Variants in MORC3 observed in about 807,000 individuals in gnomAD.
MORC3 encodes the protein MORC family CW-type zinc finger protein 3.
A neutral mutation model predicts 109.1 loss-of-function variants in MORC3; 31 were observed. The observed-to-expected ratio is 0.28, with a 90% CI of 0.21 to 0.38. The LOEUF (loss-of-function observed/expected upper bound fraction) is 0.38. MORC3 is among the 10% of genes least tolerant of loss of function. MORC3 has a pLI of 1.00. For synonymous variants in MORC3, 395 were observed against 380.7 expected, an observed-to-expected ratio of 1.04 and a Z score of -0.44; for missense variants, 867 against 1,135.8, an observed-to-expected ratio of 0.76 and a Z score of 3.40.
intron 1 of MORC3, among the ~76,000 whole-genome samples, chr21:36,323,945 G>T (rs954979583): frequency 2.6e-5 from 4 of 151,462 alleles, no homozygotes; most frequent in East Asian, 1.9e-4. Flanking sequence ...GCGTGATCTC[G>T]GCTCACCGCA....
chr21:36,376,626 T>C lies in MORC3; in HGVS notation c.*1330T>C, dbSNP rs1230009953. 6.6e-6 allele frequency: 1 copy of C among 152,206 alleles called. No homozygotes were observed. The highest frequency in any genetic ancestry group is 1.5e-5 in the Non-Finnish European group (1 of 68,032). 9.4% of individuals were successfully genotyped at this position (152,206 alleles called of 1,614,324 possible). On this transcript the variant is annotated 3_prime_UTR_variant, in exon 17 of 17. Transcript: ENST00000400485. The stretch of plus-strand genomic sequence containing the variant: ...CTTATAATAAAATAAAAATATATGA[T>C]GGCTAACTGTTCAAATGCTACTTTT...
At position 36,338,713 on chromosome 21, in the gene MORC3, G is replaced by T. The variant is rs1383062501; in HGVS notation, c.461-61G>T. 6.2e-6 allele frequency: 9 copies of T among 1,450,446 alleles called. No individual in the cohort carries two copies. In the East Asian group the frequency reaches 2.1e-4, roughly 34 times the overall value. 89.8% of individuals were successfully genotyped at this position (1,450,446 alleles called of 1,614,324 possible). ...TCTGTTATTTAAGTTTATAGAGTTA[G>T]TTTTCATATTGTAATTATGAAAACT... is the stretch of plus-strand genomic sequence containing the variant. On this transcript the variant is annotated intron_variant, in intron 4 of 16. Transcript: ENST00000400485.
intron 9 of MORC3, among the ~76,000 whole-genome samples, chr21:36,354,895 A>G (rs959872300): frequency 1.3e-5 from 2 of 152,146 alleles, no homozygotes; most frequent in African/African-American, 4.8e-5. Flanking sequence ...AATTCCTGCA[A>G]CATCCATATC....
At chr21:36,350,283 G>A (rs1312874030) in intron 9 of MORC3, among the ~76,000 whole-genome samples, 1 of 152,024 alleles carries the variant, frequency 6.6e-6, no homozygotes, top group Non-Finnish European at 1.5e-5. Context: ...ACTCCAACCC[G>A]ATGACAGAGT....
Position 36,320,269 on chromosome 21 carries a change from C to A in MORC3, c.5C>A (p.Ala2Glu), listed in dbSNP as rs1359022713. 1 of 1,572,760 alleles carries A rather than the reference C, an allele frequency of 6.4e-7. No homozygotes were observed. Among genetic ancestry groups the A allele is most frequent in the Admixed American group, 1.8e-5 (1 of 54,404 alleles). Residue 2 changes from alanine to glutamate, a missense_variant, in exon 1 of 17, where the codon GCG (alanine) becomes GAG (glutamate). By Grantham distance (107) the Ala-to-Glu change is moderately radical (BLOSUM62 -1). Coordinates refer to ENST00000400485, the MANE Select transcript of MORC3 (RefSeq NM_015358.3). Reference protein sequence around the residue: MAAQPPRGIRLS... With the variant: MEAQPPRGIRLS... ...TGGCTTTGTAGCTCGCTCAAGATGG[C>A]GGCGCAGCCACCCCGCGGGATACGC...
intron 9 of MORC3, among the ~76,000 whole-genome samples, chr21:36,354,173 C>T (rs1268953860): frequency 6.6e-6 from 1 of 151,912 alleles, no homozygotes; most frequent in East Asian, 1.9e-4. Context: ...TCGTAGTCTT[C>T]GTGTTGAGTA....
chr21:36,363,620 A>G (rs1197408312), intron 13 of MORC3, among the ~76,000 whole-genome samples: 1 of 152,220 alleles, frequency 6.6e-6, no homozygotes, highest in Non-Finnish European at 1.5e-5. Context: ...TGAAAAACAA[A>G]ACAAAAATGA....
At chr21:36,331,589 G>A (rs1325160301) in intron 1 of MORC3, among the ~76,000 whole-genome samples, 4 of 147,002 alleles carry the variant, frequency 2.7e-5, no homozygotes, top group Non-Finnish European at 4.5e-5. Context: ...GCAGCAGAGC[G>A]AGACTCCATC....
intron 5 of MORC3, among the ~76,000 whole-genome samples, chr21:36,339,926 A>G (rs1464362828): frequency 1.3e-5 from 2 of 152,178 alleles, no homozygotes; most frequent in African/African-American, 4.8e-5. Flanking sequence ...AGTTGTAAGA[A>G]GTAATAGAGA....
chr21:36,324,244 A>G (rs2085223796), intron 1 of MORC3, among the ~76,000 whole-genome samples: 1 of 150,566 alleles, frequency 6.6e-6, no homozygotes, highest in South Asian at 2.1e-4. Context: ...CCTGGACAAA[A>G]TGTTCATTCT....
In MORC3 at chr21:36,369,641, G is replaced by A. The variant is rs767481972; in HGVS notation, c.2273G>A (p.Ser758Asn). 1 of 1,614,226 alleles carries A rather than the reference G, an allele frequency of 6.2e-7. No homozygotes were observed. Among genetic ancestry groups the A allele is most frequent in the East Asian group, 2.2e-5 (1 of 44,882 alleles). ...TETDAVFLLE[S>N]INGKSESPDH... Reference sequence around the variant, plus strand: ...ACCGATGCTGTATTTTTACTTGAAAGTATTAATGGCAAATCTGAAAGTCCA... The same window carrying A: ...ACCGATGCTGTATTTTTACTTGAAAATATTAATGGCAAATCTGAAAGTCCA... The change falls in exon 15 of 17, where the codon AGT becomes AAT. Residue 758 changes from serine to asparagine, a missense_variant. Transcript: ENST00000400485.
chr21:36,356,395 A>G (rs2146323745), intron 9 of MORC3, among the ~76,000 whole-genome samples: 1 of 152,184 alleles, frequency 6.6e-6, no homozygotes, highest in East Asian at 1.9e-4. Context: ...TTTTTTTCAA[A>G]TTGTTATAAC....
At position 36,337,944 on chromosome 21, in the gene MORC3, A is replaced by G; in HGVS notation, c.458A>G (p.His153Arg). Residue 153 changes from histidine (H) to arginine (R), a missense_variant and splice_region_variant, in exon 4 of 17, where the codon CAC becomes CGC. By Grantham distance (29) the His-to-Arg change is conservative. This residue lies in a region of MORC3 where 134 missense variants were observed against 166.6 expected (regional missense o/e 0.80). Transcript: ENST00000400485. ...GTTCCAATAGTGGCATTCAACAAGC[A>G]CCATATCCTTTTGGTTGTGAAATAA... ...VVVPIVAFNK[H>R]RQMINLAESK... The G allele has an allele frequency of 6.2e-7, 1 of 1,612,872 alleles. No homozygotes were observed. Among genetic ancestry groups the G allele is most frequent in the Non-Finnish European group, 8.5e-7 (1 of 1,179,610 alleles).
chr21:36,374,405 C>A (rs1227884062), intron 16 of MORC3, among the ~76,000 whole-genome samples: 1 of 152,090 alleles, frequency 6.6e-6, no homozygotes, highest in African/African-American at 2.4e-5. Context: ...AAAAAAGCTG[C>A]TTTAACATTG....
intron 1 of MORC3, among the ~76,000 whole-genome samples, chr21:36,330,036 A>G (rs547951948): frequency 7.2e-5 from 11 of 152,016 alleles, no homozygotes; most frequent in Non-Finnish European, 1.5e-4. Flanking sequence ...CTAATTTTGC[A>G]TTTTTAGTAA....
At chr21:36,349,454 AT>A (rs1444068434) in intron 9 of MORC3, 46 bp downstream of exon 9, 1 of 1,282,006 alleles carries the variant, frequency 7.8e-7, no homozygotes, top group South Asian at 1.3e-5. Flanking sequence ...TAGGAAATGT[AT>A]TACCAAGAAA....
At position 36,375,327 on chromosome 21, in the gene MORC3, T is replaced by C. The variant is rs1194587881; in HGVS notation, c.*31T>C. 2 of 1,572,902 alleles carry C rather than the reference T, an allele frequency of 1.3e-6. No homozygotes were observed. The highest frequency in any genetic ancestry group is 1.7e-6 in the Non-Finnish European group (2 of 1,152,948). On this transcript the variant is annotated 3_prime_UTR_variant, in exon 17 of 17. Transcript: ENST00000400485. ...ATGTTATGTAAGATAAAATATTTGC[T>C]CAATTCTTTTGGTTGTACAGCTTTC...
chr21:36,342,095 G>T (rs760554388), intron 6 of MORC3, among the ~76,000 whole-genome samples: 2 of 152,028 alleles, frequency 1.3e-5, no homozygotes, highest in Non-Finnish European at 2.9e-5. Context: ...GGGCACGGTG[G>T]CAGGCACCTG....
At chr21:36,362,370 C>T in intron 13 of MORC3, 142 bp downstream of exon 13, 1 of 888,144 alleles carries the variant, frequency 1.1e-6, no homozygotes. Flanking sequence ...TGGTGAAACC[C>T]TGTCTCTACT....
Sources: gnomAD v4.1 joint callset for allele counts (sites outside exome capture counted in the v4.1 genomes callset) on GRCh38, gnomAD v4.1.1 for gene constraint, gnomAD v4.1.1 regional missense constraint, MANE v1.5 for transcripts, NCBI Gene and HGNC (gene_info 2026-07-23, HGNC 2026-07-21) for gene names.